LINGO2: variants seen among roughly 807,000 people sequenced by gnomAD.
LINGO2 encodes leucine-rich repeat and immunoglobulin-like domain-containing nogo receptor-interacting protein 2.
In LINGO2, 14 loss-of-function variants were observed where a neutral mutation model predicts 30.6. The observed-to-expected ratio is 0.46, with a 90% CI of 0.30 to 0.72. LINGO2 has a LOEUF of 0.72. Ranked by LOEUF, LINGO2 falls within the 30% of genes least tolerant of loss-of-function variation. The pLI is 0.07. For synonymous variants in LINGO2, 317 were observed against 288.5 expected (o/e 1.10, Z -1.00); for missense variants, 729 against 751.7 (o/e 0.97, Z 0.35).
At chr9:29,055,921 C>A in the LINGO2 span, among the ~76,000 whole-genome samples, 2 of 75,814 alleles carry the variant, frequency 2.6e-5, no homozygotes, top group African/African-American at 9.4e-5. Flanking sequence ...CGAGTAGTAT[C>A]CCATGTGTAT....
At chr9:27,971,153 C>A (rs1244709276) in intron 5 of LINGO2, among the ~76,000 whole-genome samples, 1 of 151,902 alleles carries the variant, frequency 6.6e-6, no homozygotes, top group Admixed American at 6.6e-5. Flanking sequence ...GTATTTTTCA[C>A]AATAAACATA....
At chr9:28,897,236 A>G in the LINGO2 span, among the ~76,000 whole-genome samples, 2 of 152,214 alleles carry the variant, frequency 1.3e-5, no homozygotes, top group Non-Finnish European at 1.5e-5. Context: ...AGTTTATGTT[A>G]GCACACAGAG....
At chr9:28,020,622 G>A (rs1823070722) in intron 4 of LINGO2, among the ~76,000 whole-genome samples, 1 of 152,130 alleles carries the variant, frequency 6.6e-6, no homozygotes, top group African/African-American at 2.4e-5. Flanking sequence ...GGAGACTGTG[G>A]AAAATTAGCA....
At chr9:29,095,900 T>G in the LINGO2 span, among the ~76,000 whole-genome samples, 4 of 138,158 alleles carry the variant, frequency 2.9e-5, no homozygotes, top group African/African-American at 1.1e-4. Flanking sequence ...TGAGAGCTTG[T>G]GAAGATGAGG....
the LINGO2 span, among the ~76,000 whole-genome samples, chr9:28,926,841 C>A: frequency 6.6e-6 from 1 of 152,140 alleles, no homozygotes; most frequent in Non-Finnish European, 1.5e-5. Flanking sequence ...CTCAGATACA[C>A]TTTTTCACTT....
At chr9:29,142,050 A>G in the LINGO2 span, among the ~76,000 whole-genome samples, 2 of 151,892 alleles carry the variant, frequency 1.3e-5, no homozygotes, top group Non-Finnish European at 2.9e-5. Context: ...CTCTAGACCA[A>G]ATGAACCTAA....
At chr9:28,539,428 T>G (rs971189634) in intron 1 of LINGO2, among the ~76,000 whole-genome samples, 1 of 152,108 alleles carries the variant, frequency 6.6e-6, no homozygotes, top group African/African-American at 2.4e-5. Flanking sequence ...ACAACTTGGT[T>G]TCAAAATATA....
chr9:28,679,882 T>G, the LINGO2 span, among the ~76,000 whole-genome samples: 2 of 152,056 alleles, frequency 1.3e-5, no homozygotes, highest in African/African-American at 4.8e-5. Context: ...CACTGTGGAA[T>G]GGCTAATGTA....
At chr9:28,748,520 T>G in the LINGO2 span, among the ~76,000 whole-genome samples, 2 of 152,070 alleles carry the variant, frequency 1.3e-5, no homozygotes, top group Non-Finnish European at 2.9e-5. Flanking sequence ...TTTTTGTTAT[T>G]GAGAGTGGAA....
intron 1 of LINGO2, among the ~76,000 whole-genome samples, chr9:28,485,136 G>C (rs575770414): frequency 6.6e-6 from 1 of 152,098 alleles, no homozygotes; most frequent in East Asian, 1.9e-4. Context: ...CTTCTTATTT[G>C]TCAGAAATCA....
the LINGO2 span, among the ~76,000 whole-genome samples, chr9:28,761,577 A>C: frequency 6.6e-6 from 1 of 151,950 alleles, no homozygotes; most frequent in African/African-American, 2.4e-5. Flanking sequence ...TCATCTTTTG[A>C]TAGTCTGAAG....
At chr9:28,769,508 ATATATATATATTTTTTTTTTTT>A in the LINGO2 span, among the ~76,000 whole-genome samples, 3 of 2,832 alleles carry the variant, frequency 1.1e-3, no homozygotes, top group Admixed American at 8.2e-3. Flanking sequence ...ATATATATAT[ATATATATATATTTTTTTTTTTT>A]TTTTTTTTTT....
the LINGO2 span, among the ~76,000 whole-genome samples, chr9:28,693,419 C>T: frequency 2.6e-5 from 4 of 152,014 alleles, no homozygotes; most frequent in East Asian, 1.9e-4. Context: ...ATACACTTTA[C>T]GAGGTATTTG....
the LINGO2 span, among the ~76,000 whole-genome samples, chr9:29,006,405 C>G: frequency 6.6e-6 from 1 of 151,964 alleles, no homozygotes; most frequent in East Asian, 1.9e-4. Flanking sequence ...GTCTGAAGAT[C>G]CATATAATTC....
the LINGO2 span, among the ~76,000 whole-genome samples, chr9:29,169,262 C>A: frequency 6.6e-6 from 1 of 151,828 alleles, no homozygotes; most frequent in South Asian, 2.1e-4. Flanking sequence ...AACTCTGTTT[C>A]AAAAAAACTT....
chr9:27,939,567 T>A, the LINGO2 span: 1 of 152,226 alleles, frequency 6.6e-6, no homozygotes, highest in East Asian at 1.9e-4. Flanking sequence ...TAATTCCCTG[T>A]AGGATGTTTG....
At chr9:28,865,947 G>C in the LINGO2 span, among the ~76,000 whole-genome samples, 14 of 152,090 alleles carry the variant, frequency 9.2e-5, no homozygotes, top group African/African-American at 3.4e-4. Flanking sequence ...TATACCTCTT[G>C]TTGCTATTCT....
At chr9:28,853,588 G>A in the LINGO2 span, among the ~76,000 whole-genome samples, 3 of 151,956 alleles carry the variant, frequency 2.0e-5, no homozygotes, top group Admixed American at 6.6e-5. Context: ...ATTTATAAAG[G>A]AAGGAAGTTT....
At chr9:28,737,447 T>C in the LINGO2 span, among the ~76,000 whole-genome samples, 2 of 152,182 alleles carry the variant, frequency 1.3e-5, no homozygotes, top group Non-Finnish European at 2.9e-5. Context: ...GCTTGTTACA[T>C]GATATTAGTA....
Sources: gnomAD v4.1 joint callset for allele counts (sites outside exome capture counted in the v4.1 genomes callset) on GRCh38, gnomAD v4.1.1 for gene constraint, MANE v1.5 for transcripts, NCBI Gene and HGNC (gene_info 2026-07-23, HGNC 2026-07-21) for gene names.